The following CTTNBP2 variants were observed in gnomAD, a reference collection of about 807,000 sequenced individuals.
CTTNBP2 encodes the protein cortactin-binding protein 2.
CTTNBP2 carries 108 observed loss-of-function variants against 156.9 expected under a neutral mutation model. The ratio of observed to expected loss-of-function variants is 0.69; its 90% CI spans 0.59 to 0.81. The LOEUF (loss-of-function observed/expected upper bound fraction) is 0.81, where lower values mean the gene tolerates loss of function less well. Among genes scored for constraint, CTTNBP2 ranks in the 30% least tolerant of loss-of-function variants. The pLI is 0.00. For synonymous variants in CTTNBP2, 767 were observed against 751.8 expected, an observed-to-expected ratio of 1.02 and a Z score of -0.33; for missense variants, 1,924 against 2,035.4, an observed-to-expected ratio of 0.95 and a Z score of 1.05.
rs528088372 is a variant in CTTNBP2, at chr7:117,747,119, T to C, written c.3349-1020A>G. ...CAGCAAGGTCTTGCCGGAAAGGACT[T>C]GGACAGGTGAGGGTCCAACCTAACT... On this transcript the variant is annotated intron_variant, in intron 12 of 22. Coordinates refer to ENST00000160373, the MANE Select transcript of CTTNBP2 (RefSeq NM_033427.3). Among the ~76,000 whole-genome samples the C allele has an allele frequency of 1.1e-4, 17 of 152,338 alleles. No individual in the cohort carries two copies. The South Asian group carries it at 1.5e-3, about 13-fold the overall frequency.
rs374288434 is a variant in CTTNBP2 at position 117,762,800 on chromosome 7, C to A, written c.2897-2090G>T. Among the ~76,000 whole-genome samples the A allele has an allele frequency of 6.6e-5, 10 of 152,324 alleles. No homozygotes were observed. In the East Asian group the frequency reaches 7.7e-4, roughly 12 times the overall value. Reference sequence around the variant, plus strand: ...GCTCCACCCTGTAACTGCTCTCCTGCACTCAAACACTGAAATGGCTACTGC... The same window carrying A: ...GCTCCACCCTGTAACTGCTCTCCTGAACTCAAACACTGAAATGGCTACTGC... On this transcript the variant is annotated intron_variant, in intron 9 of 22. Transcript: ENST00000160373.
chr7:117,855,029 C>A (rs1272602428), intron 2 of CTTNBP2, among the ~76,000 whole-genome samples: 2 of 152,056 alleles, frequency 1.3e-5, no homozygotes, highest in African/African-American at 4.8e-5. Flanking sequence ...AAGTGATCCA[C>A]CTGCTTCAGC....
chr7:117,780,281 G>A (rs749843463), intron 7 of CTTNBP2, among the ~76,000 whole-genome samples, 160 bp downstream of exon 7: 12 of 152,204 alleles, frequency 7.9e-5, no homozygotes, highest in Non-Finnish European at 1.5e-4. Context: ...TTTAATTAAC[G>A]GGAAAGAGAT....
At chr7:117,780,669 CA>C in intron 6 of CTTNBP2, 78 bp from the exon 7 acceptor site, 1 of 824,248 alleles carries the variant, frequency 1.2e-6, no homozygotes, top group East Asian at 2.9e-5. Flanking sequence ...ATATTAAATA[CA>C]GAAAAGAAAG....
chr7:117,850,846 T>A (rs965511595), intron 2 of CTTNBP2, among the ~76,000 whole-genome samples: 5 of 152,156 alleles, frequency 3.3e-5, no homozygotes, highest in African/African-American at 1.2e-4. Context: ...CAATAAATTT[T>A]AGAAGTACCA....
intron 2 of CTTNBP2, among the ~76,000 whole-genome samples, chr7:117,819,365 TCTCACACACACACACACACACA>T (rs1488648777): frequency 1.5e-5 from 2 of 136,844 alleles, no homozygotes; most frequent in Admixed American, 7.2e-5. Flanking sequence ...CTTCTCTCTC[TCTCACACACACACACACACACA>T]CACACACACA....
chr7:117,756,710 T>C, intron 11 of CTTNBP2, 76 bp from the exon 12 acceptor site: 1 of 974,630 alleles, frequency 1.0e-6, no homozygotes, highest in Non-Finnish European at 1.7e-6. Context: ...ACAGAATCTA[T>C]CATAGAAGAT....
At chr7:117,820,740 G>A (rs567143460) in intron 2 of CTTNBP2, among the ~76,000 whole-genome samples, 7 of 152,160 alleles carry the variant, frequency 4.6e-5, no homozygotes, top group African/African-American at 7.2e-5. Flanking sequence ...TGTAGGTTTC[G>A]TTGCTTTATA....
At chr7:117,748,796 T>C (rs1050381576) in intron 12 of CTTNBP2, among the ~76,000 whole-genome samples, 2 of 152,226 alleles carry the variant, frequency 1.3e-5, no homozygotes, top group South Asian at 2.1e-4. Flanking sequence ...GTCAAAATGT[T>C]TGTGTTGCTT....
At chr7:117,716,997 TCCCAAGG>T (rs1562946035) in intron 22 of CTTNBP2, among the ~76,000 whole-genome samples, 1 of 152,308 alleles carries the variant, frequency 6.6e-6, no homozygotes, top group Admixed American at 6.5e-5. Context: ...TCTCATCTAC[TCCCAAGG>T]TGGCTTACAA....
At chr7:117,795,541 A>G (rs528766869) in intron 3 of CTTNBP2, among the ~76,000 whole-genome samples, 62 of 152,306 alleles carry the variant, frequency 4.1e-4, no homozygotes, top group Non-Finnish European at 6.2e-4. Context: ...AATGTCATCC[A>G]GCTAATGAGT....
intron 2 of CTTNBP2, among the ~76,000 whole-genome samples, chr7:117,844,492 C>T (rs1034995658): frequency 7.2e-5 from 11 of 152,026 alleles, no homozygotes; most frequent in Admixed American, 1.3e-4. Context: ...CTGAAAACTA[C>T]AAAAATGAGT....
chr7:117,717,189 A>AC (rs1794450337), intron 22 of CTTNBP2, among the ~76,000 whole-genome samples: 1 of 152,178 alleles, frequency 6.6e-6, no homozygotes, highest in African/African-American at 2.4e-5. Context: ...TGCTGTAGTC[A>AC]TGGAAGCTAT....
intron 21 of CTTNBP2, 75 bp from the exon 22 acceptor site, chr7:117,718,194 G>A (rs997417195): frequency 4.6e-6 from 4 of 868,224 alleles, no homozygotes; most frequent in Non-Finnish European, 7.7e-6. Flanking sequence ...CTAAATGGTG[G>A]AGAAATCACA....
At chr7:117,851,265 A>AG (rs915525318) in intron 2 of CTTNBP2, among the ~76,000 whole-genome samples, 4 of 152,074 alleles carry the variant, frequency 2.6e-5, no homozygotes, top group Non-Finnish European at 4.4e-5. Context: ...AAGAAAATAG[A>AG]GGGAAAAAAA....
rs1462738438 is a variant in CTTNBP2, at chr7:117,792,665, C to T, written c.531G>A (p.Glu177=). 20 of 1,614,180 alleles carry T rather than the reference C, an allele frequency of 1.2e-5. 1 individual carries two copies. In the South Asian group the frequency reaches 1.6e-4, roughly 13 times the overall value. The change falls in exon 4 of 23, where the codon GAG becomes GAA. Residue 177 remains glutamate, a synonymous_variant. Transcript: ENST00000160373. The surrounding 1 kb of genome is among the most constrained non-coding windows in gnomAD (Gnocchi z 4.2). The part of the protein sequence containing the change: ...NKQVVLMLVK[E]CKQLSGKVIE... ...TGACTTTGCCTGAGAGCTGCTTGCACTCTTTGACCAGCATCAGGACCACCT... is the reference window on the plus strand; with the variant it reads ...TGACTTTGCCTGAGAGCTGCTTGCATTCTTTGACCAGCATCAGGACCACCT...
At chr7:117,746,164 C>G (rs1484235593) in intron 12 of CTTNBP2, 65 bp from the exon 13 acceptor site, 5 of 1,088,024 alleles carry the variant, frequency 4.6e-6, no homozygotes, top group Non-Finnish European at 7.0e-6. Flanking sequence ...AAAAGTGGTA[C>G]ACAGGTGTGG....
chr7:117,867,795 T>C (rs1200275083), intron 1 of CTTNBP2, among the ~76,000 whole-genome samples: 1 of 152,166 alleles, frequency 6.6e-6, no homozygotes, highest in African/African-American at 2.4e-5. Context: ...ATGAGATCTA[T>C]TTGGTGTCAG....
Position 117,810,870 on chromosome 7 carries a change from A to T in CTTNBP2, c.309T>A (p.Val103=), listed in dbSNP as rs951290610. The T allele has an allele frequency of 1.2e-6, 2 of 1,614,096 alleles. No homozygotes were observed. The highest frequency in any genetic ancestry group is 4.5e-5 in the East Asian group (2 of 44,878). The part of the protein sequence containing the change: ...AGAGDKEKKP[V]CTNPLSILEA... ...CAAGGATGGAGAGGGGGTTGGTACA[A>T]ACTGGCTTCTTCTCTTTGTCACCAG... Residue 103 remains valine, a synonymous_variant, in exon 3 of 23, where the codon GTT becomes GTA. Coordinates refer to ENST00000160373, the MANE Select transcript of CTTNBP2 (RefSeq NM_033427.3).
Sources: allele counts gnomAD v4.1 joint callset (sites outside exome capture counted in the v4.1 genomes callset), GRCh38; gene constraint gnomAD v4.1.1; non-coding constraint Gnocchi (gnomAD v3.1); transcripts MANE v1.5; gene names NCBI Gene and HGNC (gene_info 2026-07-23, HGNC 2026-07-21).